RASGRP2: variants seen among roughly 807,000 people sequenced by gnomAD.
RASGRP2 encodes the protein RAS guanyl releasing protein 2, also known as RAS guanyl-releasing protein 2.
A neutral mutation model predicts 71.0 loss-of-function variants in RASGRP2; 44 were observed. The ratio of observed to expected loss-of-function variants is 0.62; its 90% CI spans 0.49 to 0.80. RASGRP2 has a LOEUF of 0.80. Ranked by LOEUF, RASGRP2 falls within the 30% of genes least tolerant of loss-of-function variation. The pLI, the probability that RASGRP2 is intolerant of heterozygous loss-of-function variation, is 0.00. For synonymous variants in RASGRP2, 350 were observed against 330.7 expected, an observed-to-expected ratio of 1.06 and a Z score of -0.63; for missense variants, 663 against 813.4, an observed-to-expected ratio of 0.82 and a Z score of 2.25.
Position 64,742,424 on chromosome 11 carries a change from TG to T in RASGRP2, c.74-313del. The T allele has an allele frequency of 1.8e-6, 1 of 562,070 alleles. No homozygotes were observed. The highest frequency in any genetic ancestry group is 3.2e-6 in the Non-Finnish European group (1 of 312,464). 34.8% of individuals were successfully genotyped at this position (562,070 alleles called of 1,614,324 possible). ...ATCCAGAGGTCATTTCCTGAGCGCT[TG>T]GGGGGAAGGGGCACCCCTTCACCAG... is the stretch of plus-strand genomic sequence containing the variant. On this transcript the variant is annotated intron_variant, in intron 2 of 16. Transcript: ENST00000394432. The surrounding 1 kb of genome is among the most constrained non-coding windows in gnomAD (Gnocchi z 4.7).
intron 12 of RASGRP2, among the ~76,000 whole-genome samples, chr11:64,732,981 C>T (rs1417613446): frequency 4.6e-5 from 7 of 151,000 alleles, no homozygotes; most frequent in Non-Finnish European, 5.9e-5. Flanking sequence ...AAAAATTAGC[C>T]GGGTCTGGTG....
At position 64,743,727 on chromosome 11, in the gene RASGRP2, G is replaced by C; in HGVS notation, c.-72+276C>G. ...GCGAACTGTGAGCGCGCACGGAGCA[G>C]GGTGTCCAGAGGGGGGCGCTCGCGC... On this transcript the variant is annotated intron_variant, in intron 1 of 16. Transcript: ENST00000394432. This position sits in a 1 kb window ranked among gnomAD's most constrained non-coding sequence, Gnocchi z 4.9. The C allele has an allele frequency of 5.8e-6, 2 of 343,132 alleles. No homozygotes were observed. The highest frequency in any genetic ancestry group is 2.1e-5 in the South Asian group (1 of 46,824). The allele number at this position is 343,132 out of a possible 1,614,324, so 21.3% of individuals were successfully genotyped here.
At chr11:64,730,023 T>G (rs2057710747) in intron 13 of RASGRP2, 30 bp downstream of exon 13, 1 of 1,546,586 alleles carries the variant, frequency 6.5e-7, no homozygotes, top group Non-Finnish European at 8.7e-7. Flanking sequence ...GGGCGTGGCT[T>G]GGGCCGTGAG....
chr11:64,731,964 T>C (rs1016910022), intron 12 of RASGRP2, among the ~76,000 whole-genome samples: 2 of 152,124 alleles, frequency 1.3e-5, no homozygotes, highest in Non-Finnish European at 2.9e-5. Context: ...CTGGCCTGAG[T>C]GGATCAGTAA....
intron 5 of RASGRP2, chr11:64,740,601 C>T (rs996121203): frequency 3.2e-5 from 21 of 659,926 alleles, no homozygotes; most frequent in Non-Finnish European, 4.5e-5. Flanking sequence ...TCAGAGCCCA[C>T]GGAGACTTCA....
At chr11:64,730,894 G>A (rs2057744002) in intron 12 of RASGRP2, among the ~76,000 whole-genome samples, 1 of 152,180 alleles carries the variant, frequency 6.6e-6, no homozygotes, top group African/African-American at 2.4e-5. Context: ...TGATGCATGT[G>A]AAGTTTTACA....
In RASGRP2 at chr11:64,740,139, C is replaced by T. The variant is rs780295284; in HGVS notation, c.396G>A (p.Gln132=). 10 of 1,614,028 alleles carry T rather than the reference C, an allele frequency of 6.2e-6. No individual in the cohort carries two copies. The highest frequency in any genetic ancestry group is 7.6e-6 in the Non-Finnish European group (9 of 1,180,034). Reference sequence around the variant, plus strand: ...GTCCCACAGGGTTCCGCTGAGTCACCTGCCGCTTCCACTTGTAGGTAGGGC... The same window carrying T: ...GTCCCACAGGGTTCCGCTGAGTCACTTGCCGCTTCCACTTGTAGGTAGGGC... The part of the protein sequence containing the change: ...DSVPTYKWKR[Q]VTQRNPVGQK... The change falls in exon 6 of 17, where the codon CAG becomes CAA. Residue 132 remains glutamine, a synonymous_variant. Transcript: ENST00000394432.
At chr11:64,738,006 C>T (rs1385156931) in intron 8 of RASGRP2, among the ~76,000 whole-genome samples, 2 of 150,438 alleles carry the variant, frequency 1.3e-5, no homozygotes, top group Non-Finnish European at 3.0e-5. Context: ...ATCTCGCCAC[C>T]GCACTCCAGC....
rs750433727 is a variant in RASGRP2 at position 64,739,438 on chromosome 11, T to A, written c.735A>T (p.Ala245=). The change falls in exon 8 of 17, where the codon GCA becomes GCT. Residue 245 remains alanine, a synonymous_variant. Coordinates refer to ENST00000394432, the MANE Select transcript of RASGRP2 (RefSeq NM_001098671.2). The surrounding 1 kb of genome is among the most constrained non-coding windows in gnomAD (Gnocchi z 4.2). ...LQLQNFNTLM[A]VVGGLSHSSI... is the part of the protein sequence containing the mutation. Reference sequence around the variant, plus strand: ...AGCTGTGGCTCAGGCCCCCGACCACTGCCATCAGCGTGTTGAAGTTCTGCA... The same window carrying A: ...AGCTGTGGCTCAGGCCCCCGACCACAGCCATCAGCGTGTTGAAGTTCTGCA... 7 of 1,614,014 alleles carry A rather than the reference T, an allele frequency of 4.3e-6. No homozygotes were observed. In the East Asian group the frequency reaches 1.6e-4, roughly 36 times the overall value.
chr11:64,729,064 G>C, intron 14 of RASGRP2, 22 bp from the exon 15 acceptor site: 2 of 1,576,212 alleles, frequency 1.3e-6, no homozygotes, highest in South Asian at 2.3e-5. Flanking sequence ...CAAATGGAGA[G>C]CCAGCCAGGG....
At chr11:64,728,741 C>T in intron 15 of RASGRP2, 122 bp downstream of exon 15, 1 of 1,159,546 alleles carries the variant, frequency 8.6e-7, no homozygotes, top group East Asian at 2.6e-5. Flanking sequence ...CCTGTCCCTT[C>T]TTTATTATCC....
rs368659826 is a variant in RASGRP2 at position 64,739,336 on chromosome 11, C to T, written c.813+24G>A. On this transcript the variant is annotated intron_variant, in intron 8 of 16. Transcript: ENST00000394432. This position sits in a 1 kb window ranked among gnomAD's most constrained non-coding sequence, Gnocchi z 4.2. ...CAGTGAAGACAGACCTGGGAAGCACCGGCCCCTCCCCAGTCCCAGGCACCT... is the reference window on the plus strand; with the variant it reads ...CAGTGAAGACAGACCTGGGAAGCACTGGCCCCTCCCCAGTCCCAGGCACCT... The T allele has an allele frequency of 1.9e-6, 3 of 1,582,230 alleles. No individual in the cohort carries two copies. Among genetic ancestry groups the T allele is most frequent in the African/African-American group, 1.3e-5 (1 of 74,262 alleles).
chr11:64,739,219 C>A lies in RASGRP2; in HGVS notation c.813+141G>T. 2 of 711,392 alleles carry A rather than the reference C, an allele frequency of 2.8e-6. No individual in the cohort carries two copies. Among genetic ancestry groups the A allele is most frequent in the South Asian group, 1.5e-5 (1 of 65,284 alleles). 44.1% of individuals were successfully genotyped at this position (711,392 alleles called of 1,614,324 possible). A position where few individuals can be genotyped will look rare whatever the true frequency, so the allele number is the denominator to read the frequency against. Reference sequence around the variant, plus strand: ...CACTCTGCTGTTGCCATTGTGCAAACTGAGAAAAGCACTTAACCCCTCTGA... The same window carrying A: ...CACTCTGCTGTTGCCATTGTGCAAAATGAGAAAAGCACTTAACCCCTCTGA... On this transcript the variant is annotated intron_variant, in intron 8 of 16. Transcript: ENST00000394432. This position sits in a 1 kb window ranked among gnomAD's most constrained non-coding sequence, Gnocchi z 4.2.
At position 64,727,104 on chromosome 11, in the gene RASGRP2, C is replaced by T; in HGVS notation, c.*34G>A. 2 of 566,062 alleles carry T rather than the reference C, an allele frequency of 3.5e-6. No homozygotes were observed. Among genetic ancestry groups the T allele is most frequent in the South Asian group, 3.6e-5 (2 of 55,222 alleles). The allele number at this position is 566,062 out of a possible 1,614,324, so 35.1% of individuals were successfully genotyped here. On this transcript the variant is annotated 3_prime_UTR_variant, in exon 17 of 17. Coordinates refer to ENST00000394432, the MANE Select transcript of RASGRP2 (RefSeq NM_001098671.2). ...TCTGGTTGAAGTATTTTCTCCAAGG[C>T]AGGAATGAGTCCTTGATCCAACCAC...
At position 64,743,193 on chromosome 11, in the gene RASGRP2, C is replaced by T; in HGVS notation, c.-71-256G>A. On this transcript the variant is annotated intron_variant, in intron 1 of 16. Transcript: ENST00000394432. The surrounding 1 kb of genome is among the most constrained non-coding windows in gnomAD (Gnocchi z 4.9). Reference sequence around the variant, plus strand: ...GGGCTTCACGAGGATGGGGACGAACCAAGATCCCAGGACTGGCTGGCGCCC... The same window carrying T: ...GGGCTTCACGAGGATGGGGACGAACTAAGATCCCAGGACTGGCTGGCGCCC... The T allele has an allele frequency of 1.8e-6, 1 of 562,848 alleles. No homozygotes were observed. The highest frequency in any genetic ancestry group is 1.5e-5 in the South Asian group (1 of 65,492). The allele number at this position is 562,848 out of a possible 1,614,324, so 34.9% of individuals were successfully genotyped here. A position where few individuals can be genotyped will look rare whatever the true frequency, so the allele number is the denominator to read the frequency against.
In RASGRP2 at chr11:64,742,076, C is replaced by A; in HGVS notation, c.110G>T (p.Arg37Leu). The A allele has an allele frequency of 5.0e-6, 8 of 1,608,516 alleles. No individual in the cohort carries two copies. The highest frequency in any genetic ancestry group is 6.8e-6 in the Non-Finnish European group (8 of 1,177,454). ...SGKVRDPQLVRMFLMMHPWYI... is the reference protein window; with the variant it reads ...SGKVRDPQLVLMFLMMHPWYI... Reference sequence around the variant, plus strand: ...CCAGGGGTGCATCATGAGGAACATGCGCACCAGCTGCGGGTCCCGCACCTT... The same window carrying A: ...CCAGGGGTGCATCATGAGGAACATGAGCACCAGCTGCGGGTCCCGCACCTT... The change falls in exon 3 of 17, where the codon CGC (arginine) becomes CTC (leucine). Residue 37 changes from arginine (R) to leucine (L), a missense_variant. By Grantham distance (102) the Arg-to-Leu change is moderately radical. Coordinates refer to ENST00000394432, the MANE Select transcript of RASGRP2 (RefSeq NM_001098671.2). The surrounding 1 kb of genome is among the most constrained non-coding windows in gnomAD (Gnocchi z 4.7).
At position 64,727,371 on chromosome 11, in the gene RASGRP2, G is replaced by A. The variant is rs369241880; in HGVS notation, c.1772-11C>T. On this transcript the variant is annotated splice_polypyrimidine_tract_variant and intron_variant, in intron 15 of 16. Coordinates refer to ENST00000394432, the MANE Select transcript of RASGRP2 (RefSeq NM_001098671.2). ...CCTCCTCACGGATCTCTGCTGGGAGGGGGATTGCTGCAGAACACACTTCCA... is the reference window on the plus strand; with the variant it reads ...CCTCCTCACGGATCTCTGCTGGGAGAGGGATTGCTGCAGAACACACTTCCA... 1.1e-5 allele frequency: 18 copies of A among 1,613,636 alleles called. No homozygotes were observed. The highest frequency in any genetic ancestry group is 4.5e-5 in the East Asian group (2 of 44,862).
Position 64,742,543 on chromosome 11 carries a change from G to A in RASGRP2, c.73+251C>T. The A allele has an allele frequency of 1.7e-6, 1 of 598,968 alleles. No homozygotes were observed. The highest frequency in any genetic ancestry group is 3.0e-6 in the Non-Finnish European group (1 of 336,494). The allele number at this position is 598,968 out of a possible 1,614,324, so 37.1% of individuals were successfully genotyped here. On this transcript the variant is annotated intron_variant, in intron 2 of 16. Transcript: ENST00000394432. The surrounding 1 kb of genome is among the most constrained non-coding windows in gnomAD (Gnocchi z 4.7). ...GGGAGACAGATAATGCCCCTCAAGTGTCAGAGTCCGGGACCCGGCCCTCCC... is the reference window on the plus strand; with the variant it reads ...GGGAGACAGATAATGCCCCTCAAGTATCAGAGTCCGGGACCCGGCCCTCCC...
Position 64,742,603 on chromosome 11 carries a change from C to T in RASGRP2, c.73+191G>A. On this transcript the variant is annotated intron_variant, in intron 2 of 16. Coordinates refer to ENST00000394432, the MANE Select transcript of RASGRP2 (RefSeq NM_001098671.2). This position sits in a 1 kb window ranked among gnomAD's most constrained non-coding sequence, Gnocchi z 4.7. Reference sequence around the variant, plus strand: ...GCTGGGGAAGGCTAGAGAAGGGAAACCTCATCTGTCTGAAGGGCGTGCATC... The same window carrying T: ...GCTGGGGAAGGCTAGAGAAGGGAAATCTCATCTGTCTGAAGGGCGTGCATC... 1.3e-6 allele frequency: 1 copy of T among 761,006 alleles called. No individual in the cohort carries two copies. Among genetic ancestry groups the T allele is most frequent in the Non-Finnish European group, 2.1e-6 (1 of 466,934 alleles). 47.1% of individuals were successfully genotyped at this position (761,006 alleles called of 1,614,324 possible).
Sources: allele counts gnomAD v4.1 joint callset (sites outside exome capture counted in the v4.1 genomes callset), GRCh38; gene constraint gnomAD v4.1.1; non-coding constraint Gnocchi (gnomAD v3.1); transcripts MANE v1.5; gene names NCBI Gene and HGNC (gene_info 2026-07-23, HGNC 2026-07-21).